The following IRAG2 variants were observed in gnomAD, a reference collection of about 807,000 sequenced individuals.
The protein encoded by IRAG2 is lymphoid restricted membrane protein.
IRAG2 carries 45 observed loss-of-function variants against 69.9 expected under a neutral mutation model. The ratio of observed to expected loss-of-function variants is 0.64; its 90% CI spans 0.51 to 0.83. The LOEUF is 0.83. Among genes scored for constraint, IRAG2 ranks in the 40% least tolerant of loss-of-function variants. The pLI is 0.00. For synonymous variants in IRAG2, 193 were observed against 202.4 expected (o/e 0.95, Z 0.40); for missense variants, 520 against 587.0 (o/e 0.89, Z 1.18).
In IRAG2 at chr12:25,103,900, G is replaced by C. The variant is rs1472421303; in HGVS notation, c.996+1G>C. The C allele has an allele frequency of 6.2e-7, 1 of 1,612,568 alleles. No individual in the cohort carries two copies. The highest frequency in any genetic ancestry group is 1.3e-5 in the African/African-American group (1 of 75,018). ...CAGAAATATTGGAAATGCAGGAATG[G>C]TAAGACAATTCCTAAGTGTTCTTAG... On this transcript the variant is annotated splice_donor_variant, in intron 18 of 21. Coordinates refer to ENST00000556887, the MANE Select transcript of IRAG2 (RefSeq NM_001366544.2). LOFTEE classifies it high-confidence loss of function.
intron 1 of IRAG2, among the ~76,000 whole-genome samples, chr12:25,054,980 C>T (rs1945142680): frequency 6.6e-6 from 1 of 152,192 alleles, no homozygotes; most frequent in African/African-American, 2.4e-5. Context: ...TGTTTGATTT[C>T]TGAGTCAGAC....
chr12:25,101,084 T>A (rs1366177043), intron 15 of IRAG2, 94 bp from the exon 16 acceptor site: 6 of 1,080,498 alleles, frequency 5.6e-6, no homozygotes, highest in Non-Finnish European at 7.8e-6. Context: ...TTAGTGGGAT[T>A]TAGGAATGGA....
chr12:25,064,568 T>A (rs1300064080), intron 4 of IRAG2, among the ~76,000 whole-genome samples: 6 of 152,168 alleles, frequency 3.9e-5, no homozygotes, highest in Non-Finnish European at 8.8e-5. Flanking sequence ...AAAGCTAAAA[T>A]TAACGTCTAG....
chr12:25,063,532 A>G (rs1444502460), intron 3 of IRAG2, among the ~76,000 whole-genome samples, 188 bp from the exon 4 acceptor site: 2 of 152,246 alleles, frequency 1.3e-5, no homozygotes, highest in African/African-American at 2.4e-5. Flanking sequence ...TAAGTTACTC[A>G]TATGTATACC....
chr12:25,097,195 G>GA (rs1407049900), intron 15 of IRAG2, 151 bp downstream of exon 15: 3 of 579,314 alleles, frequency 5.2e-6, no homozygotes, highest in Non-Finnish European at 5.5e-6. Flanking sequence ...GTTTAATACA[G>GA]AAAAAATGGA....
chr12:25,053,024 C>T, intron 1 of IRAG2, 68 bp downstream of exon 1: 2 of 397,878 alleles, frequency 5.0e-6, no homozygotes, highest in South Asian at 2.7e-4. Context: ...GGACTACAGA[C>T]ATTTTTCTAG....
intron 8 of IRAG2, among the ~76,000 whole-genome samples, chr12:25,024,779 C>CTTTTTTCACTAG (rs1944608958): frequency 1.3e-5 from 2 of 152,258 alleles, no homozygotes; most frequent in South Asian, 4.1e-4. Flanking sequence ...CAAGGCCAGG[C>CTTTTTTCACTAG]TTTTGTGAAA....
intron 16 of IRAG2, among the ~76,000 whole-genome samples, chr12:25,043,886 C>T (rs1040271293): frequency 6.6e-6 from 1 of 152,038 alleles, no homozygotes; most frequent in Non-Finnish European, 1.5e-5. Context: ...GAAACGGACC[C>T]TAATGAAACA....
intron 10 of IRAG2, among the ~76,000 whole-genome samples, chr12:25,086,496 GT>G (rs1947615636): frequency 6.6e-6 from 1 of 152,164 alleles, no homozygotes; most frequent in African/African-American, 2.4e-5. Context: ...CACCTGTGCG[GT>G]TTTTGAAAGC....
intron 2 of IRAG2, among the ~76,000 whole-genome samples, chr12:25,009,705 A>C (rs1413059020): frequency 6.6e-6 from 1 of 152,222 alleles, no homozygotes; most frequent in African/African-American, 2.4e-5. Flanking sequence ...CCAAGTCCAC[A>C]GGCCTAAGAA....
chr12:25,025,913 A>G (rs1944617926), intron 8 of IRAG2, among the ~76,000 whole-genome samples: 1 of 152,172 alleles, frequency 6.6e-6, no homozygotes, highest in Admixed American at 6.6e-5. Flanking sequence ...TTGAGGAAAG[A>G]GAAGGAATGA....
At chr12:25,104,129 T>C in intron 19 of IRAG2, 71 bp downstream of exon 19, 1 of 1,231,830 alleles carries the variant, frequency 8.1e-7, no homozygotes, top group Non-Finnish European at 1.2e-6. Context: ...AAATGAGTGC[T>C]CAAATTAAGT....
At chr12:25,005,927 C>G (rs1471239921) in intron 2 of IRAG2, among the ~76,000 whole-genome samples, 1 of 152,060 alleles carries the variant, frequency 6.6e-6, no homozygotes, top group Non-Finnish European at 1.5e-5. Flanking sequence ...AAGAAACTGT[C>G]AATAGAGTAA....
At chr12:25,001,990 C>T (rs576819280), upstream of IRAG2, among the ~76,000 whole-genome samples, 80 of 152,072 alleles carry the variant, frequency 5.3e-4, no homozygotes, top group African/African-American at 1.8e-3. Flanking sequence ...AGGCTGGTCT[C>T]GAACTCCTGA....
intron 16 of IRAG2, among the ~76,000 whole-genome samples, chr12:25,040,574 T>C (rs1944740422): frequency 6.6e-6 from 1 of 152,050 alleles, no homozygotes; most frequent in Admixed American, 6.5e-5. Context: ...TTTGTGAGGA[T>C]GAGAGAGAAT....
intron 16 of IRAG2, chr12:25,038,250 T>C (rs1053419296): frequency 5.1e-6 from 2 of 395,412 alleles, no homozygotes; most frequent in African/African-American, 4.1e-5. Flanking sequence ...TTTCAGATGA[T>C]ACTTTTTTCA....
At chr12:25,038,224 A>G in intron 16 of IRAG2, 1 of 396,996 alleles carries the variant, frequency 2.5e-6, no homozygotes. Flanking sequence ...TACTTTCTGC[A>G]AGTTGTATAC....
intron 6 of IRAG2, among the ~76,000 whole-genome samples, chr12:25,074,534 AC>A (rs1946550381): frequency 6.6e-6 from 1 of 152,210 alleles, no homozygotes; most frequent in African/African-American, 2.4e-5. Flanking sequence ...TCCTATGACA[AC>A]AAAGTTGATT....
intron 15 of IRAG2, among the ~76,000 whole-genome samples, chr12:25,099,188 A>C (rs1592094008): frequency 6.6e-6 from 1 of 152,176 alleles, no homozygotes; most frequent in African/African-American, 2.4e-5. Flanking sequence ...TCCAGAGCAG[A>C]GTATGCTACT....
Sources: gnomAD v4.1 joint callset for allele counts (sites outside exome capture counted in the v4.1 genomes callset) on GRCh38, gnomAD v4.1.1 for gene constraint, MANE v1.5 for transcripts, NCBI Gene and HGNC (gene_info 2026-07-23, HGNC 2026-07-21) for gene names.